Variants in CDK13 observed in about 807,000 individuals in gnomAD.
CDK13 encodes the protein cyclin dependent kinase 13.
In CDK13, 40 loss-of-function variants were observed where a neutral mutation model predicts 137.6. The ratio of observed to expected loss-of-function variants is 0.29; its 90% CI spans 0.23 to 0.38. The LOEUF (loss-of-function observed/expected upper bound fraction) is 0.38, where lower values mean the gene tolerates loss of function less well. CDK13 is among the 10% of genes least tolerant of loss of function. The pLI, the probability that CDK13 is intolerant of heterozygous loss-of-function variation, is 1.00. For synonymous variants in CDK13, 869 were observed against 760.1 expected (o/e 1.14, Z -2.36); for missense variants, 1,704 against 1,951.8 (o/e 0.87, Z 2.39).
chr7:40,049,988 G>GT (rs367604775), intron 7 of CDK13, among the ~76,000 whole-genome samples: 3,453 of 150,138 alleles, frequency 0.023, 106 homozygotes, highest in African/African-American at 0.073. Flanking sequence ...GTTTTGTTTT[G>GT]TTTTTTTTTG....
chr7:40,071,049 T>C (rs977388103), intron 9 of CDK13: 1 of 152,162 alleles, frequency 6.6e-6, no homozygotes, highest in Admixed American at 6.5e-5. Flanking sequence ...GGTGAAATTT[T>C]TTAAACTTTA....
At chr7:39,955,157 T>C (rs533397931) in intron 1 of CDK13, among the ~76,000 whole-genome samples, 1 of 152,190 alleles carries the variant, frequency 6.6e-6, no homozygotes, top group East Asian at 1.9e-4. Context: ...CTATAATAAA[T>C]GTGAGGGTGT....
At position 40,044,139 on chromosome 7, in the gene CDK13, C is replaced by T. The variant is rs1022749128; in HGVS notation, c.2354-1697C>T. On this transcript the variant is annotated intron_variant, in intron 5 of 13. Coordinates refer to ENST00000181839, the MANE Select transcript of CDK13 (RefSeq NM_003718.5). ...CTCTAACTCCTGACCTCAGGTGATC[C>T]GCCCACTTTGGCCTCTCAAAGTGCT... Among the ~76,000 whole-genome samples, 8 of 151,860 alleles carry T rather than the reference C, an allele frequency of 5.3e-5. No homozygotes were observed. In the South Asian group the frequency reaches 6.2e-4, roughly 12 times the overall value.
intron 5 of CDK13, among the ~76,000 whole-genome samples, chr7:40,012,911 CAAAAA>C (rs61228761): frequency 5.8e-5 from 7 of 120,600 alleles, no homozygotes; most frequent in Non-Finnish European, 3.7e-5. Flanking sequence ...GACTCTGTGT[CAAAAA>C]AAAAAAAAAA....
chr7:40,036,340 A>G (rs1431216818), intron 5 of CDK13, among the ~76,000 whole-genome samples: 1 of 152,084 alleles, frequency 6.6e-6, no homozygotes, highest in Non-Finnish European at 1.5e-5. Flanking sequence ...AAATATTCAA[A>G]CATCTAAAAG....
At chr7:40,074,926 A>T (rs1202490908) in intron 9 of CDK13, among the ~76,000 whole-genome samples, 1 of 152,168 alleles carries the variant, frequency 6.6e-6, no homozygotes, top group Non-Finnish European at 1.5e-5. Flanking sequence ...AAGAAATAGA[A>T]ACACTAATTC....
intron 13 of CDK13, 137 bp from the exon 14 acceptor site, chr7:40,093,993 T>A: frequency 7.3e-6 from 7 of 955,854 alleles, no homozygotes; most frequent in Non-Finnish European, 1.1e-5. Flanking sequence ...GTAAACTTTT[T>A]GCTTTTTTCA....
chr7:39,971,420 A>G (rs1275568780), intron 1 of CDK13, among the ~76,000 whole-genome samples: 4 of 152,032 alleles, frequency 2.6e-5, no homozygotes, highest in Non-Finnish European at 2.9e-5. Flanking sequence ...GGAAGGCTGA[A>G]GTAGGAGAAT....
At chr7:40,042,491 T>C (rs1785632275) in intron 5 of CDK13, among the ~76,000 whole-genome samples, 1 of 140,738 alleles carries the variant, frequency 7.1e-6, no homozygotes, top group Non-Finnish European at 1.5e-5. Flanking sequence ...TTTTTTTTTT[T>C]TTTTTTTTGA....
intron 5 of CDK13, among the ~76,000 whole-genome samples, chr7:40,041,831 C>A (rs1382348458): frequency 2.0e-5 from 3 of 152,108 alleles, no homozygotes; most frequent in Non-Finnish European, 4.4e-5. Context: ...ACTTTTTTGA[C>A]ATATTGTTTT....
chr7:39,981,431 A>G (rs897476687), intron 1 of CDK13, among the ~76,000 whole-genome samples: 1 of 152,032 alleles, frequency 6.6e-6, no homozygotes, highest in Non-Finnish European at 1.5e-5. Flanking sequence ...CCTCCATTTC[A>G]GTTCTTTTAG....
At chr7:40,034,741 A>G (rs1320261723) in intron 5 of CDK13, among the ~76,000 whole-genome samples, 1 of 152,212 alleles carries the variant, frequency 6.6e-6, no homozygotes, top group Non-Finnish European at 1.5e-5. Context: ...ACTTTGCCCA[A>G]ACATAGCAGT....
chr7:40,033,901 A>G (rs1785430302), intron 5 of CDK13, among the ~76,000 whole-genome samples: 1 of 152,034 alleles, frequency 6.6e-6, no homozygotes, highest in African/African-American at 2.4e-5. Context: ...GTATTTCATT[A>G]CCCTAAGTCT....
Position 39,950,431 on chromosome 7 carries a change from T to C in CDK13, c.-211T>C, listed in dbSNP as rs1787107577. The C allele has an allele frequency of 1.6e-6, 2 of 1,233,272 alleles. No homozygotes were observed. The highest frequency in any genetic ancestry group is 2.0e-6 in the Non-Finnish European group (2 of 988,900). The allele number at this position is 1,233,272 out of a possible 1,614,324, so 76.4% of individuals were successfully genotyped here. Reference sequence around the variant, plus strand: ...GGAGCTCCGCCGCCCGGATTCCTGCTTCCCTGGGGCCCGGAGGCTGCTGCG... The same window carrying C: ...GGAGCTCCGCCGCCCGGATTCCTGCCTCCCTGGGGCCCGGAGGCTGCTGCG... On this transcript the variant is annotated 5_prime_UTR_variant, in exon 1 of 14. Transcript: ENST00000181839.
Position 40,094,707 on chromosome 7 carries a change from C to T in CDK13, c.4266C>T (p.Asp1422=), listed in dbSNP as rs139981763. 628 of 1,614,054 alleles carry T rather than the reference C, an allele frequency of 3.9e-4. No homozygotes were observed. The highest frequency in any genetic ancestry group is 4.8e-4 in the Non-Finnish European group (567 of 1,180,034). ...LNAGPMLFSG[D]KDHRFEYSHG... Reference sequence around the variant, plus strand: ...CTGGTCCCATGTTGTTTAGTGGAGACAAGGACCATAGATTTGAATATAGCC... The same window carrying T: ...CTGGTCCCATGTTGTTTAGTGGAGATAAGGACCATAGATTTGAATATAGCC... The change falls in exon 14 of 14, where the codon GAC becomes GAT. Residue 1422 remains aspartate, a synonymous_variant. Transcript: ENST00000181839.
Position 39,950,930 on chromosome 7 carries a change from A to G in CDK13, c.289A>G (p.Arg97Gly). 7.6e-7 allele frequency: 1 copy of G among 1,318,874 alleles called. No individual in the cohort carries two copies. The highest frequency in any genetic ancestry group is 9.6e-7 in the Non-Finnish European group (1 of 1,039,688). 81.7% of individuals were successfully genotyped at this position (1,318,874 alleles called of 1,614,324 possible). A position where few individuals can be genotyped will look rare whatever the true frequency, so the allele number is the denominator to read the frequency against. The change falls in exon 1 of 14, where the codon AGG (arginine) becomes GGG (glycine). Residue 97 changes from arginine to glycine, a missense_variant. By Grantham distance (125) the Arg-to-Gly change is moderately radical (BLOSUM62 -2). Transcript: ENST00000181839. ...LEVKRLARGKRRAGGRQKRRR... is the reference protein window; with the variant it reads ...LEVKRLARGKGRAGGRQKRRR... The stretch of plus-strand genomic sequence containing the variant: ...GGTCAAGCGGCTGGCGAGAGGCAAG[A>G]GGCGCGCAGGAGGGCGGCAGAAGCG...
chr7:39,992,424 C>G (rs1168531802), intron 2 of CDK13, among the ~76,000 whole-genome samples: 2 of 152,014 alleles, frequency 1.3e-5, no homozygotes, highest in African/African-American at 4.8e-5. Context: ...TCTCAAACCC[C>G]TGACCTTGTG....
At chr7:39,973,470 A>G (rs144193157) in intron 1 of CDK13, among the ~76,000 whole-genome samples, 1 of 152,194 alleles carries the variant, frequency 6.6e-6, no homozygotes, top group Non-Finnish European at 1.5e-5. Flanking sequence ...CTGTCGTCTT[A>G]TTATAGGATC....
chr7:39,990,252 T>C (rs1368980988), intron 2 of CDK13, among the ~76,000 whole-genome samples: 2 of 152,202 alleles, frequency 1.3e-5, no homozygotes, highest in East Asian at 1.9e-4. Context: ...TGATTCACCT[T>C]TTCTGTCTCC....
Sources: allele counts gnomAD v4.1 joint callset (sites outside exome capture counted in the v4.1 genomes callset), GRCh38; gene constraint gnomAD v4.1.1; transcripts MANE v1.5; gene names NCBI Gene and HGNC (gene_info 2026-07-23, HGNC 2026-07-21).